Variants in USH2A observed in about 807,000 individuals in gnomAD.
USH2A encodes the protein usherin, also known as Usher syndrome 2A (autosomal recessive, mild).
Under a neutral mutation model 538.9 loss-of-function variants are expected in USH2A, and 443 were observed. The ratio of observed to expected loss-of-function variants is 0.82; its 90% CI spans 0.76 to 0.89. The LOEUF is 0.89. USH2A is among the 40% of genes least tolerant of loss of function. The pLI, the probability that USH2A is intolerant of heterozygous loss-of-function variation, is 0.00. For missense variants in USH2A, 6,633 were observed against 6,324.8 expected (o/e 1.05, Z -1.65); for synonymous variants, 2,413 against 2,273.5 (o/e 1.06, Z -1.75).
Position 215,813,907 on chromosome 1 carries a change from G to A in USH2A, c.9571-3C>T, listed in dbSNP as rs756761604. ...TAGAGCACTCCGTTACAACAAACCT[G>A]AAAGTTTGAAAACAGTTTTAAAGAA... On this transcript the variant is annotated splice_region_variant and splice_polypyrimidine_tract_variant and intron_variant, in intron 48 of 71. Coordinates refer to ENST00000307340, the MANE Select transcript of USH2A (RefSeq NM_206933.4). The A allele has an allele frequency of 9.9e-6, 16 of 1,613,528 alleles. No individual in the cohort carries two copies. Among genetic ancestry groups the A allele is most frequent in the Non-Finnish European group, 1.4e-5 (16 of 1,179,674 alleles).
intron 29 of USH2A, among the ~76,000 whole-genome samples, chr1:216,070,543 A>T (rs1211254695): frequency 6.6e-6 from 1 of 152,178 alleles, no homozygotes; most frequent in Non-Finnish European, 1.5e-5. Context: ...AGGTTTTCCA[A>T]AAACATTTAA....
chr1:215,801,568 T>A (rs938500188), intron 49 of USH2A, among the ~76,000 whole-genome samples: 1 of 151,906 alleles, frequency 6.6e-6, no homozygotes, highest in Non-Finnish European at 1.5e-5. Context: ...GACTTAAGAA[T>A]GAGCTTACCA....
At chr1:216,093,416 G>A (rs1289527396) in intron 22 of USH2A, among the ~76,000 whole-genome samples, 7 of 149,212 alleles carry the variant, frequency 4.7e-5, no homozygotes, top group South Asian at 2.1e-4. Flanking sequence ...GTAAGGGGGC[G>A]GAAATGATGG....
chr1:216,205,260 CTG>C (rs1271282013), intron 16 of USH2A, among the ~76,000 whole-genome samples: 3 of 152,208 alleles, frequency 2.0e-5, no homozygotes, highest in African/African-American at 7.2e-5. Flanking sequence ...CTCTCTTTCT[CTG>C]TCACAAAAGT....
chr1:215,647,476 C>T, intron 67 of USH2A, 46 bp downstream of exon 67: 1 of 1,611,212 alleles, frequency 6.2e-7, no homozygotes, highest in Non-Finnish European at 8.5e-7. Context: ...TTCTCCTGAC[C>T]ACATTCCAAT....
At chr1:215,747,093 A>G (rs983572028) in intron 58 of USH2A, among the ~76,000 whole-genome samples, 11 of 152,226 alleles carry the variant, frequency 7.2e-5, no homozygotes, top group Non-Finnish European at 8.8e-5. Context: ...GAAAATGTTT[A>G]TGCTGATGTG....
intron 30 of USH2A, among the ~76,000 whole-genome samples, chr1:216,067,258 T>C (rs1006650788): frequency 1.3e-5 from 2 of 151,972 alleles, no homozygotes; most frequent in Admixed American, 6.6e-5. Flanking sequence ...TCGGGGCCTG[T>C]CGAGCGGTGG....
At chr1:215,952,276 C>T (rs925227364) in intron 37 of USH2A, among the ~76,000 whole-genome samples, 6 of 152,176 alleles carry the variant, frequency 3.9e-5, no homozygotes, top group African/African-American at 1.4e-4. Flanking sequence ...ATGTGTGTCT[C>T]TGCACGTGAG....
At chr1:216,319,657 G>C (rs1237653306) in intron 9 of USH2A, among the ~76,000 whole-genome samples, 2 of 152,116 alleles carry the variant, frequency 1.3e-5, no homozygotes, top group Non-Finnish European at 2.9e-5. Context: ...AAAGAAAGTA[G>C]GCCATAACTA....
chr1:216,001,886 T>C (rs1349721846), intron 32 of USH2A, among the ~76,000 whole-genome samples: 1 of 152,186 alleles, frequency 6.6e-6, no homozygotes, highest in Non-Finnish European at 1.5e-5. Flanking sequence ...GAACAAAAAG[T>C]TGTCAACAAG....
At chr1:215,950,902 A>G (rs780701975) in intron 37 of USH2A, among the ~76,000 whole-genome samples, 43 of 152,280 alleles carry the variant, frequency 2.8e-4, no homozygotes, top group Non-Finnish European at 8.8e-5. Flanking sequence ...TCAACTGTGT[A>G]ACAATTGAAA....
At position 215,826,195 on chromosome 1, in the gene USH2A, G is replaced by A. The variant is rs182194369; in HGVS notation, c.9372-9000C>T. Among the ~76,000 whole-genome samples, 40 of 152,286 alleles carry A rather than the reference G, an allele frequency of 2.6e-4. No homozygotes were observed. In the East Asian group the frequency reaches 7.5e-3, roughly 29 times the overall value. ...ATGGCTAGGTTTGAGCTAACTTGAAGGTACATGGCCCAGGACAGTGGCCTT... is the reference window on the plus strand; with the variant it reads ...ATGGCTAGGTTTGAGCTAACTTGAAAGTACATGGCCCAGGACAGTGGCCTT... On this transcript the variant is annotated intron_variant, in intron 47 of 71. Coordinates refer to ENST00000307340, the MANE Select transcript of USH2A (RefSeq NM_206933.4).
In USH2A at chr1:216,008,994, C is replaced by A. The variant is rs181530288; in HGVS notation, c.6326-8432G>T. On this transcript the variant is annotated intron_variant, in intron 32 of 71. Transcript: ENST00000307340. ...CCAACCTCTTCTCCTTCACCCTTAG[C>A]AGCAAGTCCCACTTTTCTGGGGGAG... 1.5e-3 allele frequency among the ~76,000 whole-genome samples: 230 copies of A among 152,134 alleles called. 1 individual carries two copies. The highest frequency in any genetic ancestry group is 5.2e-3 in the African/African-American group (215 of 41,494).
At chr1:216,298,665 T>C (rs1252882397) in intron 9 of USH2A, among the ~76,000 whole-genome samples, 1 of 152,206 alleles carries the variant, frequency 6.6e-6, no homozygotes, top group Admixed American at 6.5e-5. Flanking sequence ...CTGTTATTTT[T>C]TGATTCTCAA....
In USH2A at chr1:216,046,292, T is replaced by C. The variant is rs1571913679; in HGVS notation, c.6325+139A>G. 6.9e-6 allele frequency: 6 copies of C among 866,230 alleles called. No homozygotes were observed. The East Asian group carries it at 1.6e-4, about 23-fold the overall frequency. 53.7% of individuals were successfully genotyped at this position (866,230 alleles called of 1,614,324 possible). On this transcript the variant is annotated intron_variant, in intron 32 of 71. Coordinates refer to ENST00000307340, the MANE Select transcript of USH2A (RefSeq NM_206933.4). ...TATATTATTTTTAATTGTTCTGTTG[T>C]TATTTTTTTCACATATTTCCTAAGC...
At chr1:215,634,864 C>T (rs1656425860) in intron 69 of USH2A, among the ~76,000 whole-genome samples, 161 bp from the exon 70 acceptor site, 1 of 152,192 alleles carries the variant, frequency 6.6e-6, no homozygotes, top group South Asian at 2.1e-4. Context: ...GGTAATGGTT[C>T]AGCAGGTTGC....
Position 216,323,603 on chromosome 1 carries a change from G to T in USH2A, c.1421C>A (p.Pro474Gln). The change falls in exon 8 of 72, where the codon CCA becomes CAA. Residue 474 changes from proline (P) to glutamine (Q), a missense_variant. Pro to Gln is a moderately conservative substitution (Grantham distance 76). Transcript: ENST00000307340. The stretch of plus-strand genomic sequence containing the variant: ...GGCTTTTACGAACTCTTGAAGAGAT[G>T]GGGTATTATAGAAGTTATTGTATCC... ...RPGYNNFYNT[P>Q]SLQEFVKATQ... 6.2e-7 allele frequency: 1 copy of T among 1,613,518 alleles called. No individual in the cohort carries two copies.
At chr1:216,107,827 C>G (rs1390810444) in intron 21 of USH2A, among the ~76,000 whole-genome samples, 1 of 151,600 alleles carries the variant, frequency 6.6e-6, no homozygotes, top group Non-Finnish European at 1.5e-5. Context: ...AAATGGCTCT[C>G]TAAGGATCAT....
Position 216,046,524 on chromosome 1 carries a change from G to A in USH2A, c.6232C>T (p.Pro2078Ser). The A allele has an allele frequency of 6.2e-7, 1 of 1,613,806 alleles. No individual in the cohort carries two copies. Among genetic ancestry groups the A allele is most frequent in the South Asian group, 1.1e-5 (1 of 91,072 alleles). Residue 2078 changes from proline (P) to serine (S), a missense_variant, in exon 32 of 72, where the codon CCC becomes TCC. Transcript: ENST00000307340. ...GTTATAATACCATTTGCCTTTTTGG[G>A]TGGGTTCCAGGAGAGCAGCAAAGAA... ...PSSLLLSWNP[P>S]KKANGIITQY...
Sources: gnomAD v4.1 joint callset for allele counts (sites outside exome capture counted in the v4.1 genomes callset) on GRCh38, gnomAD v4.1.1 for gene constraint, MANE v1.5 for transcripts, NCBI Gene and HGNC (gene_info 2026-07-23, HGNC 2026-07-21) for gene names.